GUCY1A2: variants seen among roughly 807,000 people sequenced by gnomAD.
The protein encoded by GUCY1A2 is guanylate cyclase soluble subunit alpha-2.
In GUCY1A2, 27 loss-of-function variants were observed where a neutral mutation model predicts 63.5. That is an observed-to-expected ratio of 0.43 (90% CI 0.31 to 0.59). The LOEUF is 0.59. Among genes scored for constraint, GUCY1A2 ranks in the 20% least tolerant of loss-of-function variants. GUCY1A2 has a pLI of 0.11. For synonymous variants in GUCY1A2, 364 were observed against 343.5 expected, an observed-to-expected ratio of 1.06 and a Z score of -0.66; for missense variants, 768 against 913.3, an observed-to-expected ratio of 0.84 and a Z score of 2.05.
At chr11:106,935,642 C>T (rs60839369) in intron 4 of GUCY1A2, among the ~76,000 whole-genome samples, 3,073 of 151,958 alleles carry the variant, frequency 0.02, 94 homozygotes, top group African/African-American at 0.069. Flanking sequence ...GAGTTTGAGA[C>T]GAGACCAGTC....
Position 106,676,892 on chromosome 11 carries a change from CTT to C in GUCY1A2, c.*10655_*10656del. 4.9e-6 allele frequency: 1 copy of C among 204,544 alleles called. No individual in the cohort carries two copies. The highest frequency in any genetic ancestry group is 1.6e-3 in the Middle Eastern group (1 of 632). The allele number at this position is 204,544 out of a possible 1,614,324, so 12.7% of individuals were successfully genotyped here. A position where few individuals can be genotyped will look rare whatever the true frequency, so the allele number is the denominator to read the frequency against. ...TTGTCCAAACAGATTGACCCTGATA[CTT>C]CTTGAAAAAGTGTTTAAATTCAATG... On this transcript the variant is annotated 3_prime_UTR_variant, in exon 8 of 8. Transcript: ENST00000526355.
rs1862402773 is a variant in GUCY1A2, at chr11:106,679,835, C to A, written c.*7714G>T. 1 of 217,644 alleles carries A rather than the reference C, an allele frequency of 4.6e-6. No homozygotes were observed. Among genetic ancestry groups the A allele is most frequent in the Admixed American group, 5.8e-5 (1 of 17,210 alleles). The allele number at this position is 217,644 out of a possible 1,614,324, so 13.5% of individuals were successfully genotyped here. The stretch of plus-strand genomic sequence containing the variant: ...TGTAACCAAGACTAGTTCTATCTGC[C>A]ACCTTCAGAAAGCATCTATTTGTAG... On this transcript the variant is annotated 3_prime_UTR_variant, in exon 8 of 8. Transcript: ENST00000526355.
chr11:106,812,618 T>C (rs1858777499), intron 4 of GUCY1A2, among the ~76,000 whole-genome samples: 1 of 151,906 alleles, frequency 6.6e-6, no homozygotes, highest in Non-Finnish European at 1.5e-5. Context: ...TATGTATGTA[T>C]GCATAAATTA....
At chr11:106,894,346 A>G (rs1860017023) in intron 4 of GUCY1A2, among the ~76,000 whole-genome samples, 1 of 152,236 alleles carries the variant, frequency 6.6e-6, no homozygotes, top group African/African-American at 2.4e-5. Context: ...GGAATCCACT[A>G]TTACAGCTGG....
chr11:106,917,680 A>C (rs1023774548), intron 4 of GUCY1A2, among the ~76,000 whole-genome samples: 5 of 141,760 alleles, frequency 3.5e-5, no homozygotes, highest in African/African-American at 1.2e-4. Flanking sequence ...ATTCTCAGTA[A>C]ACTATCACAA....
intron 4 of GUCY1A2, among the ~76,000 whole-genome samples, chr11:106,910,007 C>T (rs935448033): frequency 2.0e-5 from 3 of 151,858 alleles, no homozygotes; most frequent in Admixed American, 6.6e-5. Context: ...TAGATATATT[C>T]ACATCCTTTG....
At chr11:106,998,969 G>A (rs564760869) in intron 1 of GUCY1A2, among the ~76,000 whole-genome samples, 1 of 152,190 alleles carries the variant, frequency 6.6e-6, no homozygotes, top group Non-Finnish European at 1.5e-5. Flanking sequence ...CTGACTGAGA[G>A]ATCCCAGAAG....
intron 1 of GUCY1A2, among the ~76,000 whole-genome samples, chr11:107,000,576 T>C (rs1043733629): frequency 1.3e-5 from 2 of 152,228 alleles, no homozygotes; most frequent in Non-Finnish European, 2.9e-5. Flanking sequence ...TATGTGATAC[T>C]TTTAAATTCA....
At chr11:107,002,650 T>C (rs750637601) in intron 1 of GUCY1A2, among the ~76,000 whole-genome samples, 1 of 152,264 alleles carries the variant, frequency 6.6e-6, no homozygotes, top group Middle Eastern at 3.4e-3. Flanking sequence ...AATGAAATAA[T>C]GTACTCTCCA....
intron 6 of GUCY1A2, among the ~76,000 whole-genome samples, chr11:106,752,519 AC>A (rs1054387979): frequency 2.0e-5 from 3 of 150,948 alleles, no homozygotes; most frequent in South Asian, 4.2e-4. Context: ...CCAAGCCCCG[AC>A]CCCCCAGCAG....
intron 6 of GUCY1A2, among the ~76,000 whole-genome samples, chr11:106,752,518 G>A (rs1047725303): frequency 6.7e-6 from 1 of 149,622 alleles, no homozygotes; most frequent in Non-Finnish European, 1.5e-5. Flanking sequence ...CCCAAGCCCC[G>A]ACCCCCCAGC....
intron 6 of GUCY1A2, among the ~76,000 whole-genome samples, chr11:106,757,002 G>T (rs1863986802): frequency 6.6e-6 from 1 of 152,132 alleles, no homozygotes; most frequent in Middle Eastern, 3.4e-3. Flanking sequence ...CGTAGATTTG[G>T]TCTTTTCTCA....
chr11:106,687,793 C>T, intron 7 of GUCY1A2, 37 bp from the exon 8 acceptor site: 1 of 1,394,210 alleles, frequency 7.2e-7, no homozygotes, highest in Non-Finnish European at 1.0e-6. Context: ...ATCAAGTAGG[C>T]CAGGGAAATG....
intron 6 of GUCY1A2, among the ~76,000 whole-genome samples, chr11:106,715,659 A>G (rs1863201087): frequency 6.6e-6 from 1 of 152,172 alleles, no homozygotes; most frequent in Admixed American, 6.5e-5. Flanking sequence ...CTTACTGTTC[A>G]TGCTTTTCTA....
chr11:106,963,791 G>T (rs1861090328), intron 3 of GUCY1A2, among the ~76,000 whole-genome samples: 1 of 152,140 alleles, frequency 6.6e-6, no homozygotes, highest in Admixed American at 6.5e-5. Flanking sequence ...AGTTAGTTTT[G>T]TGGTGATGTC....
At chr11:106,953,846 T>C (rs1591341582) in intron 3 of GUCY1A2, among the ~76,000 whole-genome samples, 1 of 152,222 alleles carries the variant, frequency 6.6e-6, no homozygotes, top group African/African-American at 2.4e-5. Context: ...GTAGTTTGTA[T>C]TTCTGTGGGG....
At chr11:106,774,515 T>C (rs1338079270) in intron 6 of GUCY1A2, among the ~76,000 whole-genome samples, 1 of 151,960 alleles carries the variant, frequency 6.6e-6, no homozygotes, top group Admixed American at 6.6e-5. Flanking sequence ...ATTCCTATGG[T>C]TTAACTTTTG....
intron 5 of GUCY1A2, among the ~76,000 whole-genome samples, chr11:106,793,296 G>A (rs926320444): frequency 1.3e-5 from 2 of 151,914 alleles, no homozygotes; most frequent in Non-Finnish European, 2.9e-5. Context: ...CAGCTAGATA[G>A]GGTTGGGGAA....
At chr11:106,787,606 A>AGGGT in intron 5 of GUCY1A2, among the ~76,000 whole-genome samples, 1 of 48,702 alleles carries the variant, frequency 2.1e-5, no homozygotes, top group East Asian at 5.7e-4. Context: ...AGGGAAAAAG[A>AGGGT]GAAAGAGAGA....
Sources: gnomAD v4.1 joint callset for allele counts (sites outside exome capture counted in the v4.1 genomes callset) on GRCh38, gnomAD v4.1.1 for gene constraint, MANE v1.5 for transcripts, NCBI Gene and HGNC (gene_info 2026-07-23, HGNC 2026-07-21) for gene names.